The following NPAS3 variants were observed in gnomAD, a reference collection of about 807,000 sequenced individuals.
The protein encoded by NPAS3 is neuronal PAS domain protein 3, also known as neuronal PAS domain-containing protein 3.
NPAS3 carries 14 observed loss-of-function variants against 73.1 expected under a neutral mutation model. The observed-to-expected ratio is 0.19, with a 90% CI of 0.13 to 0.30. The LOEUF (loss-of-function observed/expected upper bound fraction) is 0.30, where lower values mean the gene tolerates loss of function less well. NPAS3 is among the 10% of genes least tolerant of loss of function. NPAS3 has a pLI of 1.00. For synonymous variants in NPAS3, 620 were observed against 541.5 expected (o/e 1.14, Z -2.01); for missense variants, 1,096 against 1,250.0 (o/e 0.88, Z 1.86).
intron 4 of NPAS3, among the ~76,000 whole-genome samples, chr14:33,397,597 T>C (rs956226221): frequency 2.6e-5 from 4 of 152,162 alleles, no homozygotes; most frequent in Admixed American, 2.0e-4. Flanking sequence ...ATAGTTTCCA[T>C]TGCACTATGT....
At chr14:33,586,601 TAGAA>T (rs568266598) in intron 5 of NPAS3, among the ~76,000 whole-genome samples, 161 of 152,322 alleles carry the variant, frequency 1.1e-3, no homozygotes, top group African/African-American at 3.3e-3. Context: ...TAGTAGAACA[TAGAA>T]AGAATCCTTT....
chr14:32,939,129 C>T (rs1428449985), upstream of NPAS3: 3 of 159,096 alleles, frequency 1.9e-5, no homozygotes, highest in Non-Finnish European at 2.5e-5. Context: ...CCGCCGCCGC[C>T]GCCGCCGCCG....
At chr14:33,136,525 A>G (rs148133019) in intron 2 of NPAS3, among the ~76,000 whole-genome samples, 87 of 152,260 alleles carry the variant, frequency 5.7e-4, no homozygotes, top group Non-Finnish European at 1.1e-3. Flanking sequence ...CTCAGTTTTA[A>G]TGAGATAAGT....
chr14:33,541,096 G>GGTGTGT (rs140503260), intron 4 of NPAS3, among the ~76,000 whole-genome samples: 5,940 of 142,752 alleles, frequency 0.042, 144 homozygotes, highest in Non-Finnish European at 0.051. Flanking sequence ...TATGTTTAGA[G>GGTGTGT]GTGTGTGTGT....
At chr14:33,420,978 T>C (rs1243569208) in intron 4 of NPAS3, among the ~76,000 whole-genome samples, 1 of 151,944 alleles carries the variant, frequency 6.6e-6, no homozygotes, top group African/African-American at 2.4e-5. Flanking sequence ...GAGGAGCTCA[T>C]TGAGCCGTCC....
At chr14:33,160,736 CT>C (rs531842982) in intron 2 of NPAS3, among the ~76,000 whole-genome samples, 1 of 147,516 alleles carries the variant, frequency 6.8e-6, no homozygotes, top group African/African-American at 2.5e-5. Context: ...TATTTATTTA[CT>C]TTTTTTTTGT....
chr14:32,940,157 C>T (rs2035928516), intron 1 of NPAS3, among the ~76,000 whole-genome samples: 1 of 152,244 alleles, frequency 6.6e-6, no homozygotes, highest in African/African-American at 2.4e-5. Context: ...AGCATCTATG[C>T]CCCGTTAGTT....
Position 33,800,810 on chromosome 14 carries a change from G to A in NPAS3, c.2503G>A (p.Glu835Lys). The A allele has an allele frequency of 6.3e-7, 1 of 1,599,408 alleles. No homozygotes were observed. ...GGGCACCATCCGCTACGCGCCCGCC[G>A]AGGTGACCCTGGCCATGCAGAGCAA... The change falls in exon 12 of 12, where the codon GAG (glutamate) becomes AAG (lysine). Residue 835 changes from glutamate (E) to lysine (K), a missense_variant. Glu to Lys is a moderately conservative substitution (Grantham distance 56, BLOSUM62 1). Coordinates refer to ENST00000356141, the Ensembl canonical transcript of NPAS3. This position sits in a 1 kb window ranked among gnomAD's most constrained non-coding sequence, Gnocchi z 6.5.
Position 33,800,021 on chromosome 14 carries a change from T to C in NPAS3, c.1714T>C (p.Cys572Arg). Residue 572 changes from cysteine to arginine, a missense_variant, in exon 12 of 12, where the codon TGC becomes CGC. Cys to Arg is a radical substitution (Grantham distance 180). Transcript: ENST00000356141. The surrounding 1 kb of genome is among the most constrained non-coding windows in gnomAD (Gnocchi z 6.5). ...CGAGTCGGACCTGCGGCTGCAGAAC[T>C]GCGAGTCACTCACGTCCGACAGCGC... The C allele has an allele frequency of 6.2e-7, 1 of 1,611,282 alleles. No homozygotes were observed. The highest frequency in any genetic ancestry group is 8.5e-7 in the Non-Finnish European group (1 of 1,179,826).
At chr14:33,717,404 C>G (rs542031356) in intron 6 of NPAS3, among the ~76,000 whole-genome samples, 2 of 151,940 alleles carry the variant, frequency 1.3e-5, no homozygotes, top group Non-Finnish European at 2.9e-5. Flanking sequence ...CCCTGAAATC[C>G]TAACTGTTCA....
At chr14:33,326,792 A>G (rs2043729082) in intron 3 of NPAS3, among the ~76,000 whole-genome samples, 1 of 152,202 alleles carries the variant, frequency 6.6e-6, no homozygotes, top group Non-Finnish European at 1.5e-5. Context: ...GCAAAGACAG[A>G]CCACAGGTTC....
In NPAS3 at chr14:33,493,231, C is replaced by T. The variant is rs2051992064; in HGVS notation, c.469-66890C>T. Among the ~76,000 whole-genome samples the T allele has an allele frequency of 2.0e-5, 3 of 151,994 alleles. No homozygotes were observed. In the South Asian group the frequency reaches 6.2e-4, roughly 32 times the overall value. Reference sequence around the variant, plus strand: ...TTTTGTGCATTTGCTTTCTTTTGCTCTCTCACACATTGATAAAACTGAAAA... The same window carrying T: ...TTTTGTGCATTTGCTTTCTTTTGCTTTCTCACACATTGATAAAACTGAAAA... On this transcript the variant is annotated intron_variant, in intron 4 of 11. Coordinates refer to ENST00000356141, the Ensembl canonical transcript of NPAS3.
intron 4 of NPAS3, among the ~76,000 whole-genome samples, chr14:33,385,101 A>G (rs1386445802): frequency 6.6e-6 from 1 of 152,138 alleles, no homozygotes; most frequent in Non-Finnish European, 1.5e-5. Flanking sequence ...TTAATCTATG[A>G]TGGTTCACAT....
chr14:33,266,916 G>A (rs187915996), intron 3 of NPAS3, among the ~76,000 whole-genome samples: 1 of 152,264 alleles, frequency 6.6e-6, no homozygotes, highest in Admixed American at 6.5e-5. Context: ...TGTTAGGAAA[G>A]TTGCTGCCTT....
intron 9 of NPAS3, among the ~76,000 whole-genome samples, chr14:33,784,797 C>T (rs1262579191): frequency 2.7e-5 from 3 of 109,526 alleles, no homozygotes; most frequent in Non-Finnish European, 5.1e-5. Flanking sequence ...GTTGCCCAGG[C>T]TGGAGTACAA....
intron 4 of NPAS3, among the ~76,000 whole-genome samples, chr14:33,417,560 T>C (rs2048197540): frequency 6.6e-6 from 1 of 152,080 alleles, no homozygotes; most frequent in African/African-American, 2.4e-5. Flanking sequence ...TTTGGATTCA[T>C]ATTGAATCTT....
intron 3 of NPAS3, among the ~76,000 whole-genome samples, chr14:33,294,036 G>A (rs2042199117): frequency 6.6e-6 from 1 of 152,154 alleles, no homozygotes. Context: ...ACAGGACAAG[G>A]CTGAATAAGA....
intron 5 of NPAS3, among the ~76,000 whole-genome samples, chr14:33,570,409 A>G (rs2056155791): frequency 6.6e-6 from 1 of 152,182 alleles, no homozygotes; most frequent in Non-Finnish European, 1.5e-5. Flanking sequence ...CTGTCTACAT[A>G]ACTGTGTGAA....
intron 3 of NPAS3, among the ~76,000 whole-genome samples, chr14:33,252,276 T>G (rs7141988): frequency 0.15 from 22,920 of 151,888 alleles, 2,251 homozygotes; most frequent in Non-Finnish European, 0.23. Context: ...TTCCTGTGAG[T>G]CTGCAAGTTA....
Sources: gnomAD v4.1 joint callset for allele counts (sites outside exome capture counted in the v4.1 genomes callset) on GRCh38, gnomAD v4.1.1 for gene constraint, Gnocchi (gnomAD v3.1) non-coding constraint, MANE v1.5 for transcripts, NCBI Gene and HGNC (gene_info 2026-07-23, HGNC 2026-07-21) for gene names.